Variants in FMN2 observed in about 807,000 individuals in gnomAD.
FMN2 encodes formin 2.
FMN2 carries 51 observed loss-of-function variants against 142.3 expected under a neutral mutation model. The observed-to-expected ratio is 0.36, with a 90% CI of 0.29 to 0.45. The LOEUF (loss-of-function observed/expected upper bound fraction) is 0.45, where lower values mean the gene tolerates loss of function less well. FMN2 is among the 20% of genes least tolerant of loss of function. The pLI, the probability that FMN2 is intolerant of heterozygous loss-of-function variation, is 1.00. For synonymous variants in FMN2, 882 were observed against 869.8 expected (o/e 1.01, Z -0.25); for missense variants, 1,936 against 2,122.8 (o/e 0.91, Z 1.73).
chr1:240,261,980 G>T (rs1398085933), intron 7 of FMN2, among the ~76,000 whole-genome samples: 1 of 152,032 alleles, frequency 6.6e-6, no homozygotes, highest in African/African-American at 2.4e-5. Context: ...TGTGGATTTA[G>T]GAACACCTTG....
At chr1:240,228,800 T>TC (rs891728736) in intron 6 of FMN2, among the ~76,000 whole-genome samples, 3 of 152,104 alleles carry the variant, frequency 2.0e-5, no homozygotes, top group South Asian at 2.1e-4. Flanking sequence ...AACTTTTTTT[T>TC]CCCTAAAAAT....
At chr1:240,222,967 A>G (rs1572085792) in intron 6 of FMN2, among the ~76,000 whole-genome samples, 1 of 152,198 alleles carries the variant, frequency 6.6e-6, no homozygotes, top group East Asian at 1.9e-4. Flanking sequence ...CTATTTGAAT[A>G]CCCTTTATTT....
intron 15 of FMN2, among the ~76,000 whole-genome samples, chr1:240,402,664 G>A (rs896173786): frequency 3.9e-5 from 6 of 152,146 alleles, no homozygotes; most frequent in African/African-American, 1.4e-4. Flanking sequence ...AGCATACACG[G>A]CTTTCTTCAA....
intron 15 of FMN2, among the ~76,000 whole-genome samples, chr1:240,417,135 A>G (rs968215791): frequency 2.0e-5 from 3 of 146,846 alleles, no homozygotes; most frequent in Non-Finnish European, 4.5e-5. Flanking sequence ...ATTGTATTAC[A>G]CTTAGTTTGG....
At chr1:240,299,798 C>T (rs1294201608) in intron 8 of FMN2, among the ~76,000 whole-genome samples, 4 of 151,954 alleles carry the variant, frequency 2.6e-5, no homozygotes, top group Middle Eastern at 3.2e-3. Flanking sequence ...ATGCATACTG[C>T]GATGAACCCA....
chr1:240,186,625 T>G (rs1309969836), intron 3 of FMN2, among the ~76,000 whole-genome samples: 1 of 151,668 alleles, frequency 6.6e-6, no homozygotes, highest in Non-Finnish European at 1.5e-5. Context: ...GGAAGAAGAG[T>G]GAGTGCAGTG....
At position 240,093,262 on chromosome 1, in the gene FMN2, G is replaced by C; in HGVS notation, c.1153G>C (p.Glu385Gln). 3 of 1,591,882 alleles carry C rather than the reference G, an allele frequency of 1.9e-6. No homozygotes were observed. The highest frequency in any genetic ancestry group is 2.6e-6 in the Non-Finnish European group (3 of 1,169,592). Residue 385 changes from glutamate (E) to glutamine (Q), a missense_variant, in exon 1 of 18, where the codon GAG becomes CAG. By Grantham distance (29) the Glu-to-Gln change is conservative. Coordinates refer to ENST00000319653, the MANE Select transcript of FMN2 (RefSeq NM_020066.5). ...GAGGCTGGGGGAAGAGCCGGAGGAG[G>C]AGGCGCAAGGACCTGACGCCCCCGC... Reference protein sequence around the residue: ...PQRLGEEPEEEAQGPDAPAAA... With the variant: ...PQRLGEEPEEQAQGPDAPAAA...
intron 2 of FMN2, among the ~76,000 whole-genome samples, chr1:240,173,811 G>A (rs1051069106): frequency 6.6e-6 from 1 of 152,098 alleles, no homozygotes; most frequent in Non-Finnish European, 1.5e-5. Context: ...AAAGACAGGG[G>A]GACTGACCAG....
chr1:240,294,072 A>G lies in FMN2; in HGVS notation c.4154-750A>G, dbSNP rs563296062. ...GCACAAATTCTATCAAGGCAAATTCACCTTGTTTCTACCAAATATCCATGT... is the reference window on the plus strand; with the variant it reads ...GCACAAATTCTATCAAGGCAAATTCGCCTTGTTTCTACCAAATATCCATGT... On this transcript the variant is annotated intron_variant, in intron 7 of 17. Coordinates refer to ENST00000319653, the MANE Select transcript of FMN2 (RefSeq NM_020066.5). Among the ~76,000 whole-genome samples the G allele has an allele frequency of 6.6e-5, 10 of 152,314 alleles. No individual in the cohort carries two copies. The South Asian group carries it at 2.1e-3, about 32-fold the overall frequency.
At chr1:240,382,321 G>A (rs1255970690) in intron 14 of FMN2, among the ~76,000 whole-genome samples, 3 of 152,124 alleles carry the variant, frequency 2.0e-5, no homozygotes, top group South Asian at 4.1e-4. Flanking sequence ...GAAAGAAATT[G>A]TGTAGATGGC....
At chr1:240,144,229 T>A in intron 2 of FMN2, 1 of 1,554,126 alleles carries the variant, frequency 6.4e-7, no homozygotes, top group Non-Finnish European at 8.9e-7. Context: ...AAACAAAAGC[T>A]GCATTCACAA....
At chr1:240,184,933 CT>C (rs1665342990) in intron 3 of FMN2, among the ~76,000 whole-genome samples, 1 of 148,110 alleles carries the variant, frequency 6.8e-6, no homozygotes, top group African/African-American at 2.5e-5. Context: ...CCTTTACTTT[CT>C]CCCTCCTATA....
intron 1 of FMN2, among the ~76,000 whole-genome samples, chr1:240,114,952 G>A (rs1008758389): frequency 1.3e-5 from 2 of 152,012 alleles, no homozygotes; most frequent in African/African-American, 2.4e-5. Flanking sequence ...CACCGCGCCC[G>A]GCCAATTCTA....
intron 16 of FMN2, among the ~76,000 whole-genome samples, chr1:240,449,067 G>A (rs192625734): frequency 2.6e-5 from 4 of 151,852 alleles, no homozygotes; most frequent in Non-Finnish European, 5.9e-5. Flanking sequence ...ACTTGAGTCT[G>A]GGCTGTTGAC....
Position 240,092,352 on chromosome 1 carries a change from G to A in FMN2, c.243G>A (p.Arg81=). The part of the protein sequence containing the change: ...RASVFSNLRI[R]KNLSKGKGAG... Reference sequence around the variant, plus strand: ...CGGTGTTTTCCAACCTGCGGATCAGGAAGAATCTGTCCAAGGGGAAAGGCG... The same window carrying A: ...CGGTGTTTTCCAACCTGCGGATCAGAAAGAATCTGTCCAAGGGGAAAGGCG... The change falls in exon 1 of 18, where the codon AGG becomes AGA. Residue 81 remains arginine (R), a synonymous_variant. Transcript: ENST00000319653. 1 of 1,609,368 alleles carries A rather than the reference G, an allele frequency of 6.2e-7. No homozygotes were observed. The highest frequency in any genetic ancestry group is 8.5e-7 in the Non-Finnish European group (1 of 1,176,912).
At chr1:240,121,361 G>A (rs1343141543) in intron 1 of FMN2, among the ~76,000 whole-genome samples, 2 of 150,594 alleles carry the variant, frequency 1.3e-5, no homozygotes, top group Non-Finnish European at 2.9e-5. Context: ...CTCAGCCAGT[G>A]TCTTATTTTT....
Position 240,355,802 on chromosome 1 carries a change from C to T in FMN2, c.4766-14C>T, listed in dbSNP as rs952185112. On this transcript the variant is annotated splice_polypyrimidine_tract_variant and intron_variant, in intron 13 of 17. Transcript: ENST00000319653. ...ACAGTGTGACACTCTAAATAATGTT[C>T]TGTCTAATTTCAGCCTGTGAAGTTG... 2.5e-6 allele frequency: 4 copies of T among 1,585,166 alleles called. No individual in the cohort carries two copies. The highest frequency in any genetic ancestry group is 3.5e-6 in the Non-Finnish European group (4 of 1,155,428).
At chr1:240,110,710 A>G (rs1661778236) in intron 1 of FMN2, among the ~76,000 whole-genome samples, 1 of 152,054 alleles carries the variant, frequency 6.6e-6, no homozygotes, top group Admixed American at 6.6e-5. Flanking sequence ...TAGTACAGCA[A>G]TAATTGGAGA....
At chr1:240,420,382 A>G (rs1193676359) in intron 15 of FMN2, among the ~76,000 whole-genome samples, 1 of 152,200 alleles carries the variant, frequency 6.6e-6, no homozygotes, top group African/African-American at 2.4e-5. Context: ...GACCTATAAG[A>G]GAAGAGCCTC....
Sources: gnomAD v4.1 joint callset for allele counts (sites outside exome capture counted in the v4.1 genomes callset) on GRCh38, gnomAD v4.1.1 for gene constraint, MANE v1.5 for transcripts, NCBI Gene and HGNC (gene_info 2026-07-23, HGNC 2026-07-21) for gene names.